Variants in NCK2 observed in about 807,000 individuals in gnomAD.
NCK2 encodes the protein NCK adaptor protein 2, also known as cytoplasmic protein NCK2.
NCK2 carries 16 observed loss-of-function variants against 33.9 expected under a neutral mutation model. That is an observed-to-expected ratio of 0.47 (90% confidence interval 0.32 to 0.72). The LOEUF (loss-of-function observed/expected upper bound fraction) is 0.72, where lower values mean the gene tolerates loss of function less well. Among genes scored for constraint, NCK2 ranks in the 30% least tolerant of loss-of-function variants. The pLI, the probability that NCK2 is intolerant of heterozygous loss-of-function variation, is 0.03. For missense variants in NCK2, 418 were observed against 537.3 expected (o/e 0.78, Z 2.19); for synonymous variants, 273 against 239.9 (o/e 1.14, Z -1.27).
intron 2 of NCK2, among the ~76,000 whole-genome samples, chr2:105,845,910 A>G (rs1361847242): frequency 1.3e-5 from 2 of 152,032 alleles, no homozygotes; most frequent in African/African-American, 2.4e-5. Context: ...ATACGTGGGT[A>G]TTTTCCCATT....
At chr2:105,782,289 G>A (rs1180349606) in intron 1 of NCK2, among the ~76,000 whole-genome samples, 2 of 152,154 alleles carry the variant, frequency 1.3e-5, no homozygotes, top group African/African-American at 2.4e-5. Flanking sequence ...TGGATTATCA[G>A]GCACATCCTG....
chr2:105,833,449 T>G (rs900382581), intron 2 of NCK2, among the ~76,000 whole-genome samples: 12 of 152,188 alleles, frequency 7.9e-5, no homozygotes, highest in Admixed American at 5.2e-4. Flanking sequence ...AAGAATTTAC[T>G]TGTTTTCCTT....
At chr2:105,865,930 T>TA (rs1553461486) in intron 3 of NCK2, among the ~76,000 whole-genome samples, 1 of 151,822 alleles carries the variant, frequency 6.6e-6, no homozygotes, top group Non-Finnish European at 1.5e-5. Context: ...TTATTATTAT[T>TA]TGAGACAGAG....
At chr2:105,839,070 G>GAGGAAA (rs1045060364) in intron 2 of NCK2, among the ~76,000 whole-genome samples, 1 of 152,130 alleles carries the variant, frequency 6.6e-6, no homozygotes, top group African/African-American at 2.4e-5. Flanking sequence ...GAGGCAGGGA[G>GAGGAAA]AGCAAGGGAG....
chr2:105,877,622 T>C (rs1287773439), intron 3 of NCK2, among the ~76,000 whole-genome samples: 3 of 152,188 alleles, frequency 2.0e-5, no homozygotes, highest in Non-Finnish European at 4.4e-5. Context: ...TTCTCTCTGC[T>C]TGGGCATGCA....
chr2:105,814,952 A>G lies in NCK2; in HGVS notation c.-200-1478A>G, dbSNP rs115812554. On this transcript the variant is annotated intron_variant, in intron 1 of 4. Coordinates refer to ENST00000233154, the MANE Select transcript of NCK2 (RefSeq NM_003581.5). The stretch of plus-strand genomic sequence containing the variant: ...CTTAACGTTTATAATAGCCCCTGAA[A>G]ATGACACATACAGAGGTGGTGTTTG... 5.2e-3 allele frequency among the ~76,000 whole-genome samples: 799 copies of G among 152,302 alleles called. 4 individuals carry two copies. Among genetic ancestry groups the G allele is most frequent in the African/African-American group, 0.019 (770 of 41,560 alleles).
intron 4 of NCK2, among the ~76,000 whole-genome samples, chr2:105,884,899 A>G (rs914999080): frequency 6.6e-6 from 1 of 152,176 alleles, no homozygotes; most frequent in African/African-American, 2.4e-5. Flanking sequence ...TTTCGTTATC[A>G]TACCTTCACC....
chr2:105,751,444 G>A lies in NCK2; in HGVS notation c.-201+6306G>A, dbSNP rs376058366. Among the ~76,000 whole-genome samples, 5 of 152,124 alleles carry A rather than the reference G, an allele frequency of 3.3e-5. No homozygotes were observed. In the East Asian group the frequency reaches 5.8e-4, roughly 18 times the overall value. ...GACCTGCACACGGTGGCTCTCCATCGTACTTGGGTCAGTGACTCAAGTCCC... is the reference window on the plus strand; with the variant it reads ...GACCTGCACACGGTGGCTCTCCATCATACTTGGGTCAGTGACTCAAGTCCC... On this transcript the variant is annotated intron_variant, in intron 1 of 4. Coordinates refer to ENST00000233154, the MANE Select transcript of NCK2 (RefSeq NM_003581.5).
intron 1 of NCK2, among the ~76,000 whole-genome samples, chr2:105,799,803 C>T (rs191756952): frequency 4.6e-5 from 7 of 152,298 alleles, no homozygotes; most frequent in African/African-American, 1.7e-4. Flanking sequence ...AGCCATTGGT[C>T]CTTACCTGGC....
At chr2:105,838,282 T>G (rs1390270275) in intron 2 of NCK2, among the ~76,000 whole-genome samples, 1 of 151,526 alleles carries the variant, frequency 6.6e-6, no homozygotes, top group Non-Finnish European at 1.5e-5. Flanking sequence ...TAAATGCAAA[T>G]TTTTAAATGC....
intron 2 of NCK2, among the ~76,000 whole-genome samples, chr2:105,827,150 C>G (rs1018298867): frequency 1.3e-5 from 2 of 152,052 alleles, no homozygotes; most frequent in African/African-American, 4.8e-5. Flanking sequence ...CAGGTGCCTA[C>G]CACCACGCCC....
At chr2:105,871,770 C>T (rs1037992351) in intron 3 of NCK2, among the ~76,000 whole-genome samples, 3 of 152,182 alleles carry the variant, frequency 2.0e-5, no homozygotes, top group Admixed American at 1.3e-4. Context: ...GCTGGGATTA[C>T]AGGCATCAGC....
At chr2:105,802,860 C>T (rs1454293249) in intron 1 of NCK2, among the ~76,000 whole-genome samples, 2 of 151,210 alleles carry the variant, frequency 1.3e-5, no homozygotes, top group Non-Finnish European at 2.9e-5. Flanking sequence ...CCTTTTTTGT[C>T]GCTTGCCACC....
At chr2:105,861,901 TTTCCTCCCTCCCTCCC>T (rs1677549979) in intron 3 of NCK2, among the ~76,000 whole-genome samples, 1 of 113,804 alleles carries the variant, frequency 8.8e-6, no homozygotes, top group Non-Finnish European at 1.7e-5. Flanking sequence ...CCTGGAATTC[TTTCCTCCCTCCCTCCC>T]TCCCTCCCTC....
rs747500810 is a variant in NCK2 at position 105,881,376 on chromosome 2, C to T, written c.275C>T (p.Thr92Met). The stretch of plus-strand genomic sequence containing the variant: ...ACCAGCGCGCGGGATGCGTCCCCCA[C>T]GCCCAGCACGGACGCCGAGTACCCC... Reference protein sequence around the residue: ...RKTSARDASPTPSTDAEYPAN... With the variant: ...RKTSARDASPMPSTDAEYPAN... The change falls in exon 4 of 5, where the codon ACG becomes ATG. Residue 92 changes from threonine to methionine, a missense_variant. Thr to Met is a moderately conservative substitution (Grantham distance 81, BLOSUM62 -1). Transcript: ENST00000233154. 1.9e-5 allele frequency: 31 copies of T among 1,609,580 alleles called. 1 individual carries two copies. The highest frequency in any genetic ancestry group is 2.6e-5 in the Non-Finnish European group (31 of 1,179,640).
At chr2:105,891,630 C>G (rs186618821) in intron 4 of NCK2, among the ~76,000 whole-genome samples, 97 of 137,742 alleles carry the variant, frequency 7.0e-4, no homozygotes, top group African/African-American at 2.4e-3. Flanking sequence ...CTTACAACTT[C>G]CACCTCCCAG....
At chr2:105,755,723 G>C (rs1033744282) in intron 1 of NCK2, among the ~76,000 whole-genome samples, 26 of 152,166 alleles carry the variant, frequency 1.7e-4, no homozygotes, top group African/African-American at 6.3e-4. Context: ...TAAATTCGTG[G>C]TTCTCAGCTG....
intron 4 of NCK2, among the ~76,000 whole-genome samples, chr2:105,888,799 C>G (rs948787018): frequency 6.6e-6 from 1 of 152,116 alleles, no homozygotes; most frequent in African/African-American, 2.4e-5. Context: ...TTCAGGCAGC[C>G]CTACAGAGCC....
chr2:105,759,727 C>T (rs1274358885), intron 1 of NCK2, among the ~76,000 whole-genome samples: 1 of 152,168 alleles, frequency 6.6e-6, no homozygotes, highest in Non-Finnish European at 1.5e-5. Flanking sequence ...GGCACGTTTC[C>T]TTTAGTCTCC....
Sources: allele counts gnomAD v4.1 joint callset (sites outside exome capture counted in the v4.1 genomes callset), GRCh38; gene constraint gnomAD v4.1.1; transcripts MANE v1.5; gene names NCBI Gene and HGNC (gene_info 2026-07-23, HGNC 2026-07-21).